Variants in RPSA2 observed in about 807,000 individuals in gnomAD.
The protein encoded by RPSA2 is small ribosomal subunit protein uS2B.
the RPSA2 span, among the ~76,000 whole-genome samples, chr19:23,870,806 A>G: frequency 6.6e-6 from 1 of 152,216 alleles, no homozygotes; most frequent in Non-Finnish European, 1.5e-5. Flanking sequence ...AGATGTTGGG[A>G]TCCAGAAGCC....
the RPSA2 span, among the ~76,000 whole-genome samples, chr19:23,858,810 T>C: frequency 6.6e-6 from 1 of 152,194 alleles, no homozygotes. Flanking sequence ...GTTTGCATAA[T>C]AGAAGATTAG....
chr19:23,806,549 A>G, the RPSA2 span, among the ~76,000 whole-genome samples: 148,615 of 151,938 alleles, frequency 0.98, 72,777 homozygotes, highest in Middle Eastern at 1. Context: ...ACTTTGGGAG[A>G]CTGAGGTGGA....
the RPSA2 span, chr19:23,832,252 C>T: frequency 2.5e-5 from 11 of 446,966 alleles, no homozygotes; most frequent in Non-Finnish European, 5.0e-5. Flanking sequence ...AGCGTTTACC[C>T]AGTTCTCAAC....
the RPSA2 span, among the ~76,000 whole-genome samples, chr19:23,850,972 T>C: frequency 6.6e-6 from 1 of 152,168 alleles, no homozygotes; most frequent in Non-Finnish European, 1.5e-5. Flanking sequence ...ATATGGGAAA[T>C]TCCCCATTGT....
chr19:23,838,006 C>T, the RPSA2 span, among the ~76,000 whole-genome samples: 6 of 152,062 alleles, frequency 3.9e-5, no homozygotes, highest in Admixed American at 3.9e-4. Context: ...AGAGTGGGCA[C>T]CCTTGTCTTG....
chr19:23,789,643 A>G, the RPSA2 span, among the ~76,000 whole-genome samples: 1 of 151,948 alleles, frequency 6.6e-6, no homozygotes, highest in African/African-American at 2.4e-5. Context: ...TCTCTCACAT[A>G]TTGTATAAAG....
chr19:23,821,459 T>A, the RPSA2 span, among the ~76,000 whole-genome samples: 1 of 152,256 alleles, frequency 6.6e-6, no homozygotes, highest in East Asian at 1.9e-4. Context: ...TTTGTTTAAA[T>A]GCCTTTTCCT....
At chr19:23,817,059 C>T in the RPSA2 span, among the ~76,000 whole-genome samples, 4 of 151,888 alleles carry the variant, frequency 2.6e-5, no homozygotes, top group African/African-American at 9.7e-5. Context: ...AAAATTATAC[C>T]TCTATGTTTT....
chr19:23,792,591 G>GTTTTTGT, the RPSA2 span, among the ~76,000 whole-genome samples: 4 of 144,242 alleles, frequency 2.8e-5, no homozygotes, highest in East Asian at 4.0e-4. Context: ...TTTTGTTTTT[G>GTTTTTGT]TTTTTTTTTT....
At chr19:23,833,610 C>A in the RPSA2 span, among the ~76,000 whole-genome samples, 7 of 152,010 alleles carry the variant, frequency 4.6e-5, no homozygotes, top group African/African-American at 1.4e-4. Context: ...CACAGGAAAG[C>A]ATTTATAAGC....
At chr19:23,810,938 T>C in the RPSA2 span, among the ~76,000 whole-genome samples, 3 of 152,030 alleles carry the variant, frequency 2.0e-5, no homozygotes, top group Non-Finnish European at 4.4e-5. Flanking sequence ...AACAGAATTA[T>C]CTTCAATATT....
At chr19:23,807,882 C>A in the RPSA2 span, 2 of 414,584 alleles carry the variant, frequency 4.8e-6, no homozygotes, top group Non-Finnish European at 4.8e-6. Context: ...AGTAGCAGTG[C>A]CTGGACACTG....
At chr19:23,840,571 G>A in the RPSA2 span, among the ~76,000 whole-genome samples, 16 of 152,148 alleles carry the variant, frequency 1.1e-4, no homozygotes, top group Admixed American at 7.2e-4. Context: ...TAATGGCCTG[G>A]AATAATTTAG....
chr19:23,847,759 TATCTC>T, the RPSA2 span, among the ~76,000 whole-genome samples: 1 of 152,156 alleles, frequency 6.6e-6, no homozygotes. Context: ...TCTCAGTACT[TATCTC>T]AAACACATAG....
chr19:23,867,522 A>G, the RPSA2 span, among the ~76,000 whole-genome samples: 9 of 112,620 alleles, frequency 8.0e-5, no homozygotes, highest in East Asian at 2.4e-3. Flanking sequence ...AATATCAATA[A>G]CTGGAAAGAC....
At chr19:23,797,105 A>ATATTTATTTATT in the RPSA2 span, among the ~76,000 whole-genome samples, 160 of 151,366 alleles carry the variant, frequency 1.1e-3, no homozygotes, top group Middle Eastern at 3.4e-3. Flanking sequence ...ATTTTTATTT[A>ATATTTATTTATT]TATTTATTTA....
chr19:23,789,020 TTTC>T, the RPSA2 span, among the ~76,000 whole-genome samples: 36 of 4,618 alleles, frequency 7.8e-3, 3 homozygotes, highest in East Asian at 0.025. Context: ...TTTTTCTTTC[TTTC>T]TTTTTTTTTT....
chr19:23,764,928 C>T, the RPSA2 span, among the ~76,000 whole-genome samples: 3 of 152,050 alleles, frequency 2.0e-5, no homozygotes, highest in African/African-American at 7.2e-5. Context: ...GCCCTTTAGT[C>T]TATTCTTGGT....
At chr19:23,864,667 G>T in the RPSA2 span, among the ~76,000 whole-genome samples, 1 of 151,980 alleles carries the variant, frequency 6.6e-6, no homozygotes, top group Middle Eastern at 3.4e-3. Flanking sequence ...TTTTAATTTT[G>T]GATATTCACA....
Sources: allele counts gnomAD v4.1 joint callset (sites outside exome capture counted in the v4.1 genomes callset), GRCh38; gene constraint gnomAD v4.1.1; transcripts MANE v1.5; gene names NCBI Gene and HGNC (gene_info 2026-07-23, HGNC 2026-07-21).